Variants in SUGCT observed in about 807,000 individuals in gnomAD.
SUGCT encodes succinyl-CoA:glutarate CoA-transferase.
In SUGCT, 41 loss-of-function variants were observed where a neutral mutation model predicts 55.0. That is an observed-to-expected ratio of 0.74 (90% confidence interval 0.58 to 0.97). The LOEUF is 0.97. Among genes scored for constraint, SUGCT ranks in the 50% least tolerant of loss-of-function variants. The pLI, the probability that SUGCT is intolerant of heterozygous loss-of-function variation, is 0.00. For synonymous variants in SUGCT, 187 were observed against 200.4 expected (o/e 0.93, Z 0.56); for missense variants, 568 against 547.8 (o/e 1.04, Z -0.37).
At chr7:40,830,973 A>C (rs1719664139) in intron 13 of SUGCT, among the ~76,000 whole-genome samples, 1 of 152,220 alleles carries the variant, frequency 6.6e-6, no homozygotes, top group African/African-American at 2.4e-5. Flanking sequence ...TGTAATAATC[A>C]CATTTACACA....
chr7:40,286,269 T>C (rs1793332322), intron 8 of SUGCT, among the ~76,000 whole-genome samples: 1 of 152,184 alleles, frequency 6.6e-6, no homozygotes. Context: ...CAGGGGCACT[T>C]GTGTTAGGCT....
downstream of SUGCT, among the ~76,000 whole-genome samples, chr7:40,862,454 A>G (rs1794507131): frequency 6.6e-6 from 1 of 152,226 alleles, no homozygotes; most frequent in African/African-American, 2.4e-5. Flanking sequence ...TAGTCCTGAA[A>G]GAAACATCAT....
At chr7:41,017,553 G>A in the SUGCT span, among the ~76,000 whole-genome samples, 1 of 152,072 alleles carries the variant, frequency 6.6e-6, no homozygotes, top group African/African-American at 2.4e-5. Flanking sequence ...GGCAGATCAC[G>A]AGGTCAGGAG....
At chr7:40,924,536 G>A in the SUGCT span, among the ~76,000 whole-genome samples, 1 of 152,196 alleles carries the variant, frequency 6.6e-6, no homozygotes, top group Non-Finnish European at 1.5e-5. Flanking sequence ...TTACAGGCAT[G>A]AGCCACTATG....
chr7:40,720,646 G>A (rs1055855592), intron 12 of SUGCT, among the ~76,000 whole-genome samples: 1 of 152,278 alleles, frequency 6.6e-6, no homozygotes, highest in Middle Eastern at 3.4e-3. Flanking sequence ...TTAGTGTAAT[G>A]TGTTAAATAT....
intron 12 of SUGCT, among the ~76,000 whole-genome samples, chr7:40,686,370 T>C (rs1784464910): frequency 6.6e-6 from 1 of 152,214 alleles, no homozygotes; most frequent in Non-Finnish European, 1.5e-5. Context: ...AAAACTGGTA[T>C]AAAGTGGTAA....
intron 11 of SUGCT, among the ~76,000 whole-genome samples, chr7:40,485,417 C>CTT (rs397889166): frequency 0.019 from 1,446 of 74,442 alleles, 39 homozygotes; most frequent in Middle Eastern, 0.03. Flanking sequence ...TATATACATT[C>CTT]TTTTTTTTTT....
At chr7:40,495,574 A>G (rs1210566448) in intron 11 of SUGCT, among the ~76,000 whole-genome samples, 1 of 152,226 alleles carries the variant, frequency 6.6e-6, no homozygotes, top group Non-Finnish European at 1.5e-5. Flanking sequence ...TACAGAGAAG[A>G]AATATAAAAC....
chr7:40,229,536 G>T (rs1361801644), intron 6 of SUGCT, among the ~76,000 whole-genome samples: 8 of 150,966 alleles, frequency 5.3e-5, no homozygotes, highest in African/African-American at 1.9e-4. Flanking sequence ...AAAAAGTCCT[G>T]GTGCGGTGGC....
Position 40,224,428 on chromosome 7 carries a change from GTGCA to G in SUGCT, c.485-13200_485-13197del, listed in dbSNP as rs1391214750. ...TGTGTGTGTGTGTGTGTGTGTGTGTGTGCATGCATGTGTATAAGTGTGTGTATGT... is the reference window on the plus strand; with the variant it reads ...TGTGTGTGTGTGTGTGTGTGTGTGTGTGCATGTGTATAAGTGTGTGTATGT... On this transcript the variant is annotated intron_variant, in intron 6 of 13. Transcript: ENST00000335693. 2.1e-3 allele frequency among the ~76,000 whole-genome samples: 288 copies of G among 135,410 alleles called. 1 individual carries two copies. Among genetic ancestry groups the G allele is most frequent in the African/African-American group, 8.6e-3 (272 of 31,462 alleles). 88.8% of individuals were successfully genotyped at this position (135,410 alleles called of 152,430 possible). A position where few individuals can be genotyped will look rare whatever the true frequency, so the allele number is the denominator to read the frequency against.
At chr7:40,590,185 G>A (rs1797635886) in intron 12 of SUGCT, among the ~76,000 whole-genome samples, 2 of 152,246 alleles carry the variant, frequency 1.3e-5, no homozygotes, top group Middle Eastern at 3.4e-3. Context: ...ATAAATATGT[G>A]TTCTGACAGC....
intron 13 of SUGCT, among the ~76,000 whole-genome samples, chr7:40,793,722 C>A (rs1420885017): frequency 6.6e-6 from 1 of 152,032 alleles, no homozygotes; most frequent in East Asian, 1.9e-4. Context: ...CTGGAAGATT[C>A]TTCAAATGTT....
At chr7:40,782,568 G>T (rs1448969134) in intron 13 of SUGCT, 2 of 152,104 alleles carry the variant, frequency 1.3e-5, no homozygotes, top group Non-Finnish European at 2.9e-5. Context: ...ACCACATTTA[G>T]GTCATTGTCT....
chr7:40,558,777 T>C (rs1041765493), intron 12 of SUGCT, among the ~76,000 whole-genome samples: 4 of 152,230 alleles, frequency 2.6e-5, no homozygotes, highest in Non-Finnish European at 5.9e-5. Context: ...TTATGTTATG[T>C]ATACTTTACC....
At chr7:40,890,784 A>G in the SUGCT span, among the ~76,000 whole-genome samples, 8 of 152,162 alleles carry the variant, frequency 5.3e-5, no homozygotes, top group African/African-American at 1.9e-4. Flanking sequence ...ACATAACACC[A>G]ACAAAGGAAC....
chr7:40,155,995 C>T (rs1266858726), intron 1 of SUGCT, among the ~76,000 whole-genome samples: 2 of 151,780 alleles, frequency 1.3e-5, no homozygotes, highest in East Asian at 3.9e-4. Flanking sequence ...TATCTGGGAT[C>T]ACAGGTGTAC....
intron 12 of SUGCT, among the ~76,000 whole-genome samples, chr7:40,748,888 T>C (rs984581434): frequency 6.6e-6 from 1 of 152,146 alleles, no homozygotes; most frequent in Non-Finnish European, 1.5e-5. Flanking sequence ...GTCAGCTGCT[T>C]ATTTGCTTGT....
intron 7 of SUGCT, among the ~76,000 whole-genome samples, chr7:40,259,506 T>C (rs940390960): frequency 3.3e-5 from 5 of 152,220 alleles, no homozygotes; most frequent in African/African-American, 1.2e-4. Flanking sequence ...CATTTGTTAA[T>C]TAGCTTGGTG....
intron 9 of SUGCT, among the ~76,000 whole-genome samples, chr7:40,431,361 A>G (rs1787888940): frequency 6.6e-6 from 1 of 152,118 alleles, no homozygotes; most frequent in Non-Finnish European, 1.5e-5. Context: ...ATAATTTTAA[A>G]TCAGGAAGTG....
Sources: allele counts gnomAD v4.1 joint callset (sites outside exome capture counted in the v4.1 genomes callset), GRCh38; gene constraint gnomAD v4.1.1; transcripts MANE v1.5; gene names NCBI Gene and HGNC (gene_info 2026-07-23, HGNC 2026-07-21).